The following LRMDA variants were observed in gnomAD, a reference collection of about 807,000 sequenced individuals.
LRMDA encodes leucine-rich melanocyte differentiation-associated protein.
Under a neutral mutation model 29.8 loss-of-function variants are expected in LRMDA, and 18 were observed. The ratio of observed to expected loss-of-function variants is 0.60; its 90% CI spans 0.42 to 0.90. The LOEUF is 0.90. Among genes scored for constraint, LRMDA ranks in the 40% least tolerant of loss-of-function variants. The probability of loss-of-function intolerance (pLI) is 0.00; values close to 1 mark genes in which losing one functional copy is unlikely to be tolerated. For synonymous variants in LRMDA, 125 were observed against 109.4 expected (o/e 1.14, Z -0.89); for missense variants, 273 against 273.9 (o/e 1.00, Z 0.02).
chr10:76,238,099 A>T (rs991283619), intron 5 of LRMDA, among the ~76,000 whole-genome samples: 1 of 152,052 alleles, frequency 6.6e-6, no homozygotes, highest in Non-Finnish European at 1.5e-5. Context: ...CTAAGAGTGC[A>T]TATTCATTAT....
intron 2 of LRMDA, among the ~76,000 whole-genome samples, chr10:75,680,106 T>A (rs189658148): frequency 2.6e-5 from 4 of 152,268 alleles, no homozygotes; most frequent in African/African-American, 9.6e-5. Context: ...AAACAGTTCT[T>A]AGGATTAGAT....
intron 2 of LRMDA, among the ~76,000 whole-genome samples, chr10:75,750,841 C>T (rs1200421712): frequency 7.2e-6 from 1 of 138,332 alleles, no homozygotes; most frequent in Non-Finnish European, 1.6e-5. Flanking sequence ...ACTGGGCGGC[C>T]GGGAAGAGGG....
intron 5 of LRMDA, among the ~76,000 whole-genome samples, chr10:76,114,092 A>T (rs1414006969): frequency 1.3e-5 from 2 of 152,018 alleles, no homozygotes; most frequent in African/African-American, 4.8e-5. Context: ...GACATCTGCC[A>T]CTCTGTAAAG....
chr10:76,024,776 C>T (rs1436538513), intron 2 of LRMDA, among the ~76,000 whole-genome samples: 2 of 152,252 alleles, frequency 1.3e-5, no homozygotes, highest in African/African-American at 4.8e-5. Context: ...GAGTAGACAC[C>T]ATCTGTTGAA....
intron 5 of LRMDA, among the ~76,000 whole-genome samples, chr10:76,117,722 T>C (rs1283599128): frequency 6.6e-6 from 1 of 152,200 alleles, no homozygotes; most frequent in Non-Finnish European, 1.5e-5. Context: ...ACCAAACTTT[T>C]CTGTGAGCTG....
chr10:75,567,111 T>A (rs1236720726), intron 2 of LRMDA, among the ~76,000 whole-genome samples: 1 of 150,740 alleles, frequency 6.6e-6, no homozygotes, highest in African/African-American at 2.4e-5. Context: ...AGCTGCTGTC[T>A]TCTCTCTCTC....
chr10:76,132,888 C>T (rs556751229), intron 5 of LRMDA, among the ~76,000 whole-genome samples: 19 of 151,490 alleles, frequency 1.3e-4, no homozygotes, highest in South Asian at 1.2e-3. Context: ...CTGCAAGCTC[C>T]GCCTCCCAGG....
chr10:76,143,278 C>T (rs553125637), intron 5 of LRMDA, among the ~76,000 whole-genome samples: 6 of 152,318 alleles, frequency 3.9e-5, no homozygotes, highest in African/African-American at 1.4e-4. Flanking sequence ...CTGACTTCCA[C>T]AAGGGTTGAA....
At chr10:76,432,807 T>C (rs1048349395) in intron 6 of LRMDA, among the ~76,000 whole-genome samples, 3 of 152,178 alleles carry the variant, frequency 2.0e-5, no homozygotes, top group Admixed American at 2.0e-4. Flanking sequence ...GTTTCCAGTA[T>C]TGTGTCTGCA....
rs1848995683 is a variant in LRMDA, at chr10:76,078,408, G to A, written c.516+19625G>A. ...GCAGCACCAGAAATTCCCAGCTTTT[G>A]AGAAAATTATTGGACCTGTTATTAC... On this transcript the variant is annotated intron_variant, in intron 5 of 6. Transcript: ENST00000611255. Among the ~76,000 whole-genome samples, 3 of 152,220 alleles carry A rather than the reference G, an allele frequency of 2.0e-5. No homozygotes were observed. In the Middle Eastern group the frequency reaches 0.01, roughly 518 times the overall value.
intron 2 of LRMDA, among the ~76,000 whole-genome samples, chr10:75,699,783 G>A (rs1428126850): frequency 2.6e-5 from 4 of 152,216 alleles, no homozygotes; most frequent in Admixed American, 1.3e-4. Flanking sequence ...TTGCAGATGT[G>A]ATTAGGTTAA....
chr10:75,735,221 T>C (rs1842747525), intron 2 of LRMDA, among the ~76,000 whole-genome samples: 1 of 152,118 alleles, frequency 6.6e-6, no homozygotes, highest in Non-Finnish European at 1.5e-5. Flanking sequence ...AAAAACGTGG[T>C]ATATTATTCA....
rs1844773130 is a variant in LRMDA, at chr10:75,475,025, C to T, written c.131+36531C>T. Among the ~76,000 whole-genome samples the T allele has an allele frequency of 2.0e-5, 3 of 152,202 alleles. No homozygotes were observed. The South Asian group carries it at 6.2e-4, about 32-fold the overall frequency. ...AGTTATCCATAGCCCAGCACCTGCA[C>T]ATAGTCATGTTCAAATGTTTCTCTT... is the stretch of plus-strand genomic sequence containing the variant. On this transcript the variant is annotated intron_variant, in intron 2 of 6. Transcript: ENST00000611255.
At chr10:75,621,959 A>G (rs1016855163) in intron 2 of LRMDA, among the ~76,000 whole-genome samples, 3 of 152,194 alleles carry the variant, frequency 2.0e-5, no homozygotes, top group East Asian at 1.9e-4. Context: ...TCTCACCACT[A>G]TAACTGTGAA....
chr10:76,177,416 A>C (rs1850960205), intron 5 of LRMDA, among the ~76,000 whole-genome samples: 1 of 152,122 alleles, frequency 6.6e-6, no homozygotes, highest in Non-Finnish European at 1.5e-5. Context: ...AAAAAACAAC[A>C]AAAAAACCTC....
At chr10:75,965,317 A>G (rs956362097) in intron 2 of LRMDA, among the ~76,000 whole-genome samples, 9 of 152,230 alleles carry the variant, frequency 5.9e-5, no homozygotes, top group African/African-American at 2.2e-4. Flanking sequence ...CTGAGTAACA[A>G]ACATTACCTG....
chr10:75,925,394 T>A (rs773611084), intron 2 of LRMDA, among the ~76,000 whole-genome samples: 48 of 152,208 alleles, frequency 3.2e-4, no homozygotes, highest in Admixed American at 2.6e-4. Flanking sequence ...ATTGCCCAAG[T>A]TGCTTGAGAG....
chr10:75,456,800 C>T (rs193006037), intron 2 of LRMDA, among the ~76,000 whole-genome samples: 9 of 152,110 alleles, frequency 5.9e-5, no homozygotes, highest in African/African-American at 1.4e-4. Context: ...CTCAGCCTCC[C>T]GAGTAGCTGG....
chr10:76,515,015 G>A (rs1843045874), intron 6 of LRMDA, among the ~76,000 whole-genome samples: 1 of 152,146 alleles, frequency 6.6e-6, no homozygotes. Flanking sequence ...GATTATGCAA[G>A]CTTTGAGTGT....
Sources: gnomAD v4.1 joint callset for allele counts (sites outside exome capture counted in the v4.1 genomes callset) on GRCh38, gnomAD v4.1.1 for gene constraint, MANE v1.5 for transcripts, NCBI Gene and HGNC (gene_info 2026-07-23, HGNC 2026-07-21) for gene names.